ALPK2: variants seen among roughly 807,000 people sequenced by gnomAD.
ALPK2 encodes alpha kinase 2.
A neutral mutation model predicts 163.1 loss-of-function variants in ALPK2; 127 were observed. The ratio of observed to expected loss-of-function variants is 0.78; its 90% CI spans 0.67 to 0.90. The LOEUF is 0.90. ALPK2 is among the 40% of genes least tolerant of loss of function. The pLI, the probability that ALPK2 is intolerant of heterozygous loss-of-function variation, is 0.00. For synonymous variants in ALPK2, 953 were observed against 959.1 expected (o/e 0.99, Z 0.12); for missense variants, 2,360 against 2,589.6 (o/e 0.91, Z 1.92).
At chr18:58,517,657 C>G (rs1283613226) in intron 8 of ALPK2, among the ~76,000 whole-genome samples, 1 of 150,446 alleles carries the variant, frequency 6.6e-6, no homozygotes, top group Admixed American at 6.6e-5. Context: ...AAGTTTAATA[C>G]CACAAATATA....
intron 10 of ALPK2, among the ~76,000 whole-genome samples, chr18:58,508,310 T>C (rs1043900170): frequency 2.6e-5 from 4 of 152,202 alleles, no homozygotes; most frequent in Non-Finnish European, 5.9e-5. Context: ...ATTTAGCCAG[T>C]TCTGTCAGAG....
At chr18:58,609,609 T>C (rs899629604) in intron 2 of ALPK2, among the ~76,000 whole-genome samples, 2 of 152,184 alleles carry the variant, frequency 1.3e-5, no homozygotes. Flanking sequence ...ACTGTTTTTT[T>C]CCCCTGTGCA....
intron 1 of ALPK2, among the ~76,000 whole-genome samples, chr18:58,616,129 G>A (rs1256312411): frequency 6.6e-6 from 1 of 152,188 alleles, no homozygotes; most frequent in Non-Finnish European, 1.5e-5. Context: ...ATGACCTTGG[G>A]AAAACAATGT....
chr18:58,484,205 C>T (rs1568062629), intron 12 of ALPK2, among the ~76,000 whole-genome samples: 1 of 152,030 alleles, frequency 6.6e-6, no homozygotes. Flanking sequence ...TTGTGTTGAC[C>T]TGTATCAGTG....
intron 10 of ALPK2, 89 bp downstream of exon 10, chr18:58,514,903 CA>C (rs1379837884): frequency 1.1e-6 from 1 of 926,976 alleles, no homozygotes; most frequent in Non-Finnish European, 1.6e-6. Flanking sequence ...TCAGCTGAAA[CA>C]CTTGCCCTAC....
chr18:58,493,129 A>G (rs922950711), intron 12 of ALPK2, among the ~76,000 whole-genome samples: 9 of 152,290 alleles, frequency 5.9e-5, no homozygotes, highest in Admixed American at 5.9e-4. Flanking sequence ...AGGCGGGGAC[A>G]GGAGCTATCT....
In ALPK2 at chr18:58,537,780, C is replaced by T. The variant is rs2051662046; in HGVS notation, c.2407G>A (p.Ala803Thr). ...TCACCAGCCTCAAAACACTCCATTG[C>T]ACACACTGCTTCTCTGTCCCTTGGC... ...DEPRDREAVC[A>T]MECFEAGDQG... Residue 803 changes from alanine to threonine, a missense_variant, in exon 5 of 13, where the codon GCA becomes ACA. Transcript: ENST00000361673. The T allele has an allele frequency of 6.2e-7, 1 of 1,614,148 alleles. No individual in the cohort carries two copies.
chr18:58,580,207 G>C lies in ALPK2; in HGVS notation c.569C>G (p.Pro190Arg). The change falls in exon 4 of 13, where the codon CCT becomes CGT. Residue 190 changes from proline (P) to arginine (R), a missense_variant. By Grantham distance (103) the Pro-to-Arg change is moderately radical. Coordinates refer to ENST00000361673, the MANE Select transcript of ALPK2 (RefSeq NM_052947.4). Reference protein sequence around the residue: ...LDISVSSSENPLGVKGTRHTG... With the variant: ...LDISVSSSENRLGVKGTRHTG... ...GTGCCTTGTTCCTTTAACACCCAAA[G>C]GATTTTCAGAACTGGACACACTAAT... is the stretch of plus-strand genomic sequence containing the variant. 6.2e-7 allele frequency: 1 copy of C among 1,614,182 alleles called. No homozygotes were observed. Among genetic ancestry groups the C allele is most frequent in the South Asian group, 1.1e-5 (1 of 91,078 alleles).
chr18:58,580,367 C>T lies in ALPK2; in HGVS notation c.409G>A (p.Ala137Thr). 1 of 1,614,120 alleles carries T rather than the reference C, an allele frequency of 6.2e-7. No individual in the cohort carries two copies. Among genetic ancestry groups the T allele is most frequent in the South Asian group, 1.1e-5 (1 of 91,076 alleles). Reference sequence around the variant, plus strand: ...TGTTCCTTCTCATCAATCTGATTTGCCCTTTCTTCTTCATGTGTCCCTGTT... The same window carrying T: ...TGTTCCTTCTCATCAATCTGATTTGTCCTTTCTTCTTCATGTGTCCCTGTT... ...HETGTHEEER[A>T]NQIDEKEHPY... is the part of the protein sequence containing the mutation. Residue 137 changes from alanine (A) to threonine (T), a missense_variant, in exon 4 of 13, where the codon GCA (alanine) becomes ACA (threonine). Transcript: ENST00000361673.
chr18:58,615,688 T>C (rs939274336), intron 1 of ALPK2, among the ~76,000 whole-genome samples: 2 of 152,196 alleles, frequency 1.3e-5, no homozygotes, highest in African/African-American at 4.8e-5. Flanking sequence ...CTGGGTGTAA[T>C]TGTCACCTGC....
rs758307277 is a variant in ALPK2, at chr18:58,535,059, C to T, written c.5128G>A (p.Glu1710Lys). 3 of 1,614,154 alleles carry T rather than the reference C, an allele frequency of 1.9e-6. No individual in the cohort carries two copies. The highest frequency in any genetic ancestry group is 2.5e-6 in the Non-Finnish European group (3 of 1,180,028). The part of the protein sequence containing the change: ...GTLTAVTGSE[E>K]VKRKPEAPGS... ...GGGGCTTCTGGCTTCCTCTTGACCT[C>T]CTCTGACCCCGTCACTGCTGTGAGG... Residue 1710 changes from glutamate to lysine, a missense_variant, in exon 5 of 13, where the codon GAG becomes AAG. By Grantham distance (56) the Glu-to-Lys change is moderately conservative. Coordinates refer to ENST00000361673, the MANE Select transcript of ALPK2 (RefSeq NM_052947.4).
chr18:58,488,608 T>C (rs1568063865), intron 12 of ALPK2, among the ~76,000 whole-genome samples: 2 of 151,692 alleles, frequency 1.3e-5, no homozygotes, highest in Non-Finnish European at 2.9e-5. Context: ...GCAAACCCAC[T>C]GAAAAGTTTT....
intron 12 of ALPK2, among the ~76,000 whole-genome samples, chr18:58,496,056 T>C (rs146173438): frequency 8.7e-4 from 132 of 152,300 alleles, no homozygotes; most frequent in African/African-American, 2.9e-3. Flanking sequence ...TCTAAATGGG[T>C]ACACTTGTTC....
intron 3 of ALPK2, among the ~76,000 whole-genome samples, chr18:58,599,289 AT>A (rs1286870603): frequency 6.6e-6 from 1 of 152,182 alleles, no homozygotes; most frequent in Non-Finnish European, 1.5e-5. Context: ...CTCGGAACTC[AT>A]TCAAGCAGGG....
chr18:58,577,462 T>C (rs1274658341), intron 4 of ALPK2, among the ~76,000 whole-genome samples: 1 of 152,188 alleles, frequency 6.6e-6, no homozygotes, highest in East Asian at 1.9e-4. Flanking sequence ...GGAAGAGCAT[T>C]TTATGACTAG....
intron 3 of ALPK2, among the ~76,000 whole-genome samples, chr18:58,596,816 C>G (rs890346242): frequency 6.8e-6 from 1 of 147,506 alleles, no homozygotes; most frequent in East Asian, 1.9e-4. Flanking sequence ...TCCCACAAAT[C>G]TTTTGTTTGT....
In ALPK2 at chr18:58,609,871, A is replaced by G. The variant is rs7241664; in HGVS notation, c.109+1818T>C. ...CACGAGGGCTCTGCTCTGAAGACTC[A>G]AGGTCAGCTTGCACTGTTCTGTCTG... On this transcript the variant is annotated intron_variant, in intron 2 of 12. Transcript: ENST00000361673. Among the ~76,000 whole-genome samples the G allele has an allele frequency of 2.1e-3, 321 of 152,272 alleles. 1 individual carries two copies. The highest frequency in any genetic ancestry group is 7.3e-3 in the African/African-American group (304 of 41,546).
In ALPK2 at chr18:58,535,870, T is replaced by C. The variant is rs755670193; in HGVS notation, c.4317A>G (p.Gly1439=). The C allele has an allele frequency of 1.2e-6, 2 of 1,614,244 alleles. No homozygotes were observed. Among genetic ancestry groups the C allele is most frequent in the Non-Finnish European group, 1.7e-6 (2 of 1,180,018 alleles). Residue 1439 remains glycine (G), a synonymous_variant, in exon 5 of 13, where the codon GGA becomes GGG. Coordinates refer to ENST00000361673, the MANE Select transcript of ALPK2 (RefSeq NM_052947.4). ...GAREGGQSND[G]NMGHEAEIQP... ...GGATTTCCGCTTCGTGGCCCATGTT[T>C]CCGTCATTTGATTGACCCCCTTCTC...
chr18:58,484,519 G>A (rs1302565569), intron 12 of ALPK2, among the ~76,000 whole-genome samples: 1 of 152,198 alleles, frequency 6.6e-6, no homozygotes, highest in African/African-American at 2.4e-5. Context: ...ACTGAGGCAG[G>A]TGGATCACGA....
Sources: gnomAD v4.1 joint callset for allele counts (sites outside exome capture counted in the v4.1 genomes callset) on GRCh38, gnomAD v4.1.1 for gene constraint, MANE v1.5 for transcripts, NCBI Gene and HGNC (gene_info 2026-07-23, HGNC 2026-07-21) for gene names.